The following THADA variants were observed in gnomAD, a reference collection of about 807,000 sequenced individuals.
The protein encoded by THADA is THADA armadillo repeat containing, also known as tRNA (32-2'-O)-methyltransferase regulator THADA.
In THADA, 213 loss-of-function variants were observed where a neutral mutation model predicts 219.8. The observed-to-expected ratio is 0.97, with a 90% CI of 0.87 to 1.09. The LOEUF is 1.09. Among genes scored for constraint, THADA ranks in the 50% least tolerant of loss-of-function variants. THADA has a pLI of 0.00. For synonymous variants in THADA, 1,018 were observed against 828.9 expected, an observed-to-expected ratio of 1.23 and a Z score of -3.92; for missense variants, 2,956 against 2,311.3, an observed-to-expected ratio of 1.28 and a Z score of -5.72.
intron 25 of THADA, among the ~76,000 whole-genome samples, chr2:43,491,358 C>A (rs1011537634): frequency 6.6e-6 from 1 of 151,988 alleles, no homozygotes; most frequent in African/African-American, 2.4e-5. Flanking sequence ...TAGGTTGGTG[C>A]AAAAGTAACC....
intron 22 of THADA, among the ~76,000 whole-genome samples, chr2:43,522,079 T>C (rs1382509608): frequency 2.0e-5 from 3 of 152,224 alleles, no homozygotes; most frequent in African/African-American, 7.2e-5. Flanking sequence ...TTCAACTCCA[T>C]TCAATCTTTG....
chr2:43,342,986 T>A (rs952316968), intron 30 of THADA: 1 of 152,132 alleles, frequency 6.6e-6, no homozygotes, highest in Non-Finnish European at 1.5e-5. Flanking sequence ...TATACTTTTT[T>A]CTTTTTTTTT....
chr2:43,404,337 T>G (rs1468178073), intron 28 of THADA, among the ~76,000 whole-genome samples: 3 of 151,812 alleles, frequency 2.0e-5, no homozygotes, highest in African/African-American at 7.3e-5. Flanking sequence ...GGATTACGGT[T>G]GGGTGCCACC....
At chr2:43,525,001 T>G (rs565400466) in intron 22 of THADA, among the ~76,000 whole-genome samples, 1 of 152,228 alleles carries the variant, frequency 6.6e-6, no homozygotes, top group Non-Finnish European at 1.5e-5. Context: ...CTCACAGATC[T>G]ACATCTCTGT....
At chr2:43,440,339 T>A (rs553043241) in intron 26 of THADA, among the ~76,000 whole-genome samples, 1 of 152,342 alleles carries the variant, frequency 6.6e-6, no homozygotes, top group African/African-American at 2.4e-5. Context: ...ACTTAATCCC[T>A]AATGACAAGC....
intron 31 of THADA, among the ~76,000 whole-genome samples, chr2:43,313,873 G>C (rs1026426258): frequency 4.6e-5 from 7 of 152,250 alleles, no homozygotes; most frequent in African/African-American, 1.7e-4. Context: ...GCCACAGTGA[G>C]GGCAGCTGGA....
intron 20 of THADA, among the ~76,000 whole-genome samples, chr2:43,546,123 C>T (rs1043530707): frequency 6.6e-6 from 1 of 150,712 alleles, no homozygotes. Flanking sequence ...GCCTTCATTT[C>T]GTTATGTACC....
chr2:43,529,476 A>G (rs1357084276), intron 21 of THADA, among the ~76,000 whole-genome samples: 1 of 152,190 alleles, frequency 6.6e-6, no homozygotes, highest in Non-Finnish European at 1.5e-5. Context: ...CCTCCCGAGT[A>G]GCTGTTAACT....
intron 36 of THADA, among the ~76,000 whole-genome samples, chr2:43,270,689 T>C (rs1005473598): frequency 3.3e-5 from 5 of 152,096 alleles, no homozygotes; most frequent in Non-Finnish European, 1.5e-5. Context: ...TTCTGCATAT[T>C]CACATTTAAA....
chr2:43,440,414 T>G (rs564915641), intron 26 of THADA, among the ~76,000 whole-genome samples: 81 of 152,308 alleles, frequency 5.3e-4, no homozygotes, highest in African/African-American at 1.9e-3. Flanking sequence ...TGTTAATAAA[T>G]TACAAACTTG....
At chr2:43,277,890 A>G (rs1329820100) in intron 36 of THADA, among the ~76,000 whole-genome samples, 1 of 152,148 alleles carries the variant, frequency 6.6e-6, no homozygotes, top group Non-Finnish European at 1.5e-5. Context: ...TGCTGAAGGA[A>G]TGTGAAGTTA....
chr2:43,340,812 G>C (rs1210057637), intron 30 of THADA, among the ~76,000 whole-genome samples: 1 of 152,178 alleles, frequency 6.6e-6, no homozygotes, highest in Non-Finnish European at 1.5e-5. Flanking sequence ...AGGTGAGAAA[G>C]TAAAGACAGG....
chr2:43,561,016 C>CAAAA (rs3042329), intron 15 of THADA, among the ~76,000 whole-genome samples: 5 of 92,360 alleles, frequency 5.4e-5, no homozygotes, highest in Non-Finnish European at 4.6e-5. Flanking sequence ...GACTTGGTCT[C>CAAAA]AAAAAAAAAA....
intron 28 of THADA, among the ~76,000 whole-genome samples, chr2:43,419,415 A>G (rs1260858978): frequency 2.0e-5 from 3 of 152,220 alleles, no homozygotes; most frequent in Admixed American, 6.5e-5. Flanking sequence ...TGTTTTTACT[A>G]GAAGATTAGA....
Position 43,231,141 on chromosome 2 carries a change from G to T in THADA, c.5669C>A (p.Pro1890Gln). The T allele has an allele frequency of 1.9e-6, 3 of 1,613,854 alleles. No homozygotes were observed. Among genetic ancestry groups the T allele is most frequent in the Non-Finnish European group, 2.5e-6 (3 of 1,179,824 alleles). ...TGTCTTCACAAACTCAGCAGCTGGT[G>T]GAAGCTCTCTGAAGAACTGAGACAG... ...HLLSQFFREL[P>Q]PAAEFVKTVE... Residue 1890 changes from proline (P) to glutamine (Q), a missense_variant, in exon 38 of 38, where the codon CCA becomes CAA. Physicochemically the swap from Pro to Gln is moderately conservative, Grantham distance 76. Coordinates refer to ENST00000405975, the MANE Select transcript of THADA (RefSeq NM_022065.5).
rs1272872684 is a variant in THADA at position 43,434,333 on chromosome 2, G to A, written c.3837-4031C>T. On this transcript the variant is annotated intron_variant, in intron 26 of 37. Coordinates refer to ENST00000405975, the MANE Select transcript of THADA (RefSeq NM_022065.5). ...AGAAGAGGGCAGGGAAGTGCTGGGA[G>A]GAGAAGGGCTGGTTCCTGGCGAAGG... Among the ~76,000 whole-genome samples, 8 of 152,318 alleles carry A rather than the reference G, an allele frequency of 5.3e-5. No homozygotes were observed. In the East Asian group the frequency reaches 1.5e-3, roughly 29 times the overall value.
At chr2:43,361,237 A>C (rs1669487212) in intron 29 of THADA, among the ~76,000 whole-genome samples, 1 of 152,258 alleles carries the variant, frequency 6.6e-6, no homozygotes, top group Admixed American at 6.5e-5. Context: ...TGGTAGCCTT[A>C]GAAAATTATT....
chr2:43,308,080 G>C (rs1677065273), intron 31 of THADA, among the ~76,000 whole-genome samples: 1 of 152,170 alleles, frequency 6.6e-6, no homozygotes, highest in South Asian at 2.1e-4. Flanking sequence ...CAGAGGCTGG[G>C]CATAGTGGCT....
chr2:43,416,621 C>T (rs1389509648), intron 28 of THADA, among the ~76,000 whole-genome samples: 2 of 152,270 alleles, frequency 1.3e-5, no homozygotes, highest in East Asian at 3.9e-4. Flanking sequence ...TGTCCCAGAT[C>T]AGGAATTTTC....
Sources: gnomAD v4.1 joint callset for allele counts (sites outside exome capture counted in the v4.1 genomes callset) on GRCh38, gnomAD v4.1.1 for gene constraint, MANE v1.5 for transcripts, NCBI Gene and HGNC (gene_info 2026-07-23, HGNC 2026-07-21) for gene names.